The following TAF4 variants were observed in gnomAD, a reference collection of about 807,000 sequenced individuals.
The protein encoded by TAF4 is TATA-box binding protein associated factor 4, also known as transcription initiation factor TFIID subunit 4.
Under a neutral mutation model 90.3 loss-of-function variants are expected in TAF4, and 9 were observed. The ratio of observed to expected loss-of-function variants is 0.10; its 90% CI spans 0.06 to 0.17. The LOEUF is 0.17. TAF4 is among the 10% of genes least tolerant of loss of function. The probability of loss-of-function intolerance (pLI) is 1.00; values close to 1 mark genes in which losing one functional copy is unlikely to be tolerated. For synonymous variants in TAF4, 818 were observed against 638.9 expected (o/e 1.28, Z -4.23); for missense variants, 1,351 against 1,370.7 (o/e 0.99, Z 0.23).
chr20:62,019,379 C>T (rs2055829999), intron 1 of TAF4, among the ~76,000 whole-genome samples: 1 of 152,258 alleles, frequency 6.6e-6, no homozygotes, highest in Admixed American at 6.5e-5. Context: ...TCTTCAGAAA[C>T]GTAACTGTCC....
chr20:62,043,874 G>A (rs12480641), intron 1 of TAF4, among the ~76,000 whole-genome samples: 9 of 152,272 alleles, frequency 5.9e-5, no homozygotes, highest in Admixed American at 4.6e-4. Context: ...ACTAAGTGGC[G>A]CGCGACTGTA....
At chr20:62,034,660 T>C (rs1026555471) in intron 1 of TAF4, among the ~76,000 whole-genome samples, 1 of 151,878 alleles carries the variant, frequency 6.6e-6, no homozygotes, top group African/African-American at 2.4e-5. Context: ...ATACTTAAAA[T>C]AGCAGCAATG....
chr20:61,976,465 GC>G, intron 14 of TAF4, 130 bp from the exon 15 acceptor site: 2 of 1,067,666 alleles, frequency 1.9e-6, no homozygotes, highest in Non-Finnish European at 2.7e-6. Flanking sequence ...CTTCCGGTAG[GC>G]CCACAGCTGG....
chr20:62,041,634 AAAAAG>A (rs1293023231), intron 1 of TAF4, among the ~76,000 whole-genome samples: 3 of 152,052 alleles, frequency 2.0e-5, no homozygotes, highest in African/African-American at 2.4e-5. Flanking sequence ...ATCTCAAAAA[AAAAAG>A]AAAAAAGAAA....
At chr20:62,048,290 T>C (rs1361665059) in intron 1 of TAF4, among the ~76,000 whole-genome samples, 2 of 152,192 alleles carry the variant, frequency 1.3e-5, no homozygotes, top group African/African-American at 4.8e-5. Context: ...AGCCCAGCCC[T>C]GTACTAGCTC....
chr20:61,988,969 C>T (rs1400440636), intron 14 of TAF4, among the ~76,000 whole-genome samples: 1 of 152,098 alleles, frequency 6.6e-6, no homozygotes, highest in Non-Finnish European at 1.5e-5. Context: ...GCGCCGCGAC[C>T]CCAGCAGGTA....
chr20:62,022,888 A>G, intron 1 of TAF4, among the ~76,000 whole-genome samples: 1 of 144,978 alleles, frequency 6.9e-6, no homozygotes. Context: ...TGCAGATACT[A>G]TTGTAAAATC....
intron 1 of TAF4, among the ~76,000 whole-genome samples, chr20:62,038,579 A>C (rs1739006144): frequency 6.6e-6 from 1 of 152,246 alleles, no homozygotes; most frequent in Admixed American, 6.5e-5. Flanking sequence ...CTTAAGAATA[A>C]ATTTAACAAA....
Position 62,006,624 on chromosome 20 carries a change from C to T in TAF4, c.2109G>A (p.Gln703=). ...TGGCCGCCGTCTTCCCGGCCGTGCG[C>T]TGGACCGAGCTACTCAGCACCACGG... ...LTAVVLSSSV[Q]RTAGKTAATV... is the part of the protein sequence containing the mutation. Residue 703 remains glutamine, a synonymous_variant, in exon 7 of 15, where the codon CAG becomes CAA. Transcript: ENST00000252996. The surrounding 1 kb of genome is among the most constrained non-coding windows in gnomAD (Gnocchi z 7.0). 6.2e-7 allele frequency: 1 copy of T among 1,605,014 alleles called. No homozygotes were observed. The highest frequency in any genetic ancestry group is 8.5e-7 in the Non-Finnish European group (1 of 1,175,686).
chr20:61,983,758 C>G (rs2055564828), intron 14 of TAF4, among the ~76,000 whole-genome samples: 2 of 152,136 alleles, frequency 1.3e-5, no homozygotes, highest in South Asian at 4.1e-4. Context: ...GGGCTTAACT[C>G]ACCTATTAAA....
intron 14 of TAF4, chr20:61,981,182 G>C (rs1348700997): frequency 6.6e-6 from 1 of 152,272 alleles, no homozygotes; most frequent in Non-Finnish European, 1.5e-5. Flanking sequence ...GACGGCACCA[G>C]GAAACCACAG....
intron 14 of TAF4, 62 bp from the exon 15 acceptor site, chr20:61,976,397 C>A (rs1250417199): frequency 1.9e-6 from 3 of 1,583,086 alleles, no homozygotes; most frequent in East Asian, 2.2e-5. Flanking sequence ...TTGCAATGAG[C>A]CTGTGTATCT....
rs542484262 is a variant in TAF4, at chr20:62,010,157, G to A, written c.1650C>T (p.Leu550=). ...LQRSPGVQPQ[L]VLGGAAQTAS... is the part of the protein sequence containing the mutation. Reference sequence around the variant, plus strand: ...CCGTCTGGGCAGCGCCACCCAGAACGAGCTGAGGCTACAAGAATCCAAAAA... The same window carrying A: ...CCGTCTGGGCAGCGCCACCCAGAACAAGCTGAGGCTACAAGAATCCAAAAA... Residue 550 remains leucine (L), a synonymous_variant, in exon 4 of 15, where the codon CTC becomes CTT. Transcript: ENST00000252996. The surrounding 1 kb of genome is among the most constrained non-coding windows in gnomAD (Gnocchi z 4.5). The A allele has an allele frequency of 4.0e-4, 646 of 1,613,864 alleles. 7 individuals are homozygous for A. In the South Asian group the frequency reaches 5.9e-3, roughly 15 times the overall value.
At chr20:61,989,698 A>C (rs944767646) in intron 14 of TAF4, among the ~76,000 whole-genome samples, 1 of 140,446 alleles carries the variant, frequency 7.1e-6, no homozygotes, top group South Asian at 2.5e-4. Flanking sequence ...ACAGCACTGC[A>C]GTGAGTGAGT....
Position 62,050,561 on chromosome 20 carries a change from T to C in TAF4, c.1360+13890A>G, listed in dbSNP as rs1269627733. Among the ~76,000 whole-genome samples the C allele has an allele frequency of 1.5e-4, 19 of 130,158 alleles. No individual in the cohort carries two copies. The Admixed American group carries it at 1.6e-3, about 11-fold the overall frequency. The allele number at this position is 130,158 out of a possible 152,430, so 85.4% of individuals were successfully genotyped here. A position where few individuals can be genotyped will look rare whatever the true frequency, so the allele number is the denominator to read the frequency against. On this transcript the variant is annotated intron_variant, in intron 1 of 14. Transcript: ENST00000252996. ...CCAGCAAGACCCACCAAAACAAGAG[T>C]AAAGGAATTTAAATGGTCAAAGCCC... is the stretch of plus-strand genomic sequence containing the variant.
intron 14 of TAF4, among the ~76,000 whole-genome samples, chr20:61,995,536 G>A (rs1183187990): frequency 1.3e-5 from 2 of 152,108 alleles, no homozygotes; most frequent in Non-Finnish European, 2.9e-5. Flanking sequence ...CATGTAACTG[G>A]AGCCCCAGCA....
chr20:62,024,168 C>A (rs530454330), intron 1 of TAF4, among the ~76,000 whole-genome samples: 2 of 152,160 alleles, frequency 1.3e-5, no homozygotes, highest in African/African-American at 4.8e-5. Flanking sequence ...CAGGCCCACA[C>A]GCGGATGGAC....
At chr20:62,014,448 C>T (rs1250475295) in intron 2 of TAF4, 99 bp downstream of exon 2, 28 of 1,417,922 alleles carry the variant, frequency 2.0e-5, no homozygotes, top group East Asian at 2.6e-5. Flanking sequence ...AGTCCTCACT[C>T]CCATGGCTGT....
intron 5 of TAF4, 46 bp downstream of exon 5, chr20:62,009,006 G>C: frequency 4.4e-6 from 7 of 1,596,812 alleles, no homozygotes; most frequent in Non-Finnish European, 6.0e-6. Flanking sequence ...TCTGTCCTAT[G>C]CAACAGGCTT....
Sources: allele counts gnomAD v4.1 joint callset (sites outside exome capture counted in the v4.1 genomes callset), GRCh38; gene constraint gnomAD v4.1.1; non-coding constraint Gnocchi (gnomAD v3.1); transcripts MANE v1.5; gene names NCBI Gene and HGNC (gene_info 2026-07-23, HGNC 2026-07-21).